Variants in NCKAP5L observed in about 807,000 individuals in gnomAD.
NCKAP5L encodes the protein nck-associated protein 5-like.
A neutral mutation model predicts 103.2 loss-of-function variants in NCKAP5L; 54 were observed. The ratio of observed to expected loss-of-function variants is 0.52; its 90% CI spans 0.42 to 0.66. The LOEUF is 0.66. Ranked by LOEUF, NCKAP5L falls within the 30% of genes least tolerant of loss-of-function variation. NCKAP5L has a pLI of 0.00. For synonymous variants in NCKAP5L, 762 were observed against 748.6 expected (o/e 1.02, Z -0.29); for missense variants, 1,733 against 1,750.6 (o/e 0.99, Z 0.18).
At chr12:49,793,495 C>T (rs1408783589) in intron 9 of NCKAP5L, 62 bp from the exon 10 acceptor site, 2 of 1,528,506 alleles carry the variant, frequency 1.3e-6, no homozygotes, top group Non-Finnish European at 1.8e-6. Flanking sequence ...CTCCCCATGC[C>T]TCTAGAGGGT....
At chr12:49,812,322 T>G (rs923317760) in intron 1 of NCKAP5L, among the ~76,000 whole-genome samples, 1 of 152,186 alleles carries the variant, frequency 6.6e-6, no homozygotes, top group African/African-American at 2.4e-5. Context: ...CTTTGCATGA[T>G]GTTTTCAAGG....
At chr12:49,793,559 G>C (rs1340445532) in intron 9 of NCKAP5L, 126 bp from the exon 10 acceptor site, 2 of 1,236,608 alleles carry the variant, frequency 1.6e-6, no homozygotes, top group Non-Finnish European at 2.3e-6. Context: ...CAGGAGTATG[G>C]ATCTGAGAGC....
chr12:49,819,558 C>A (rs890522026), intron 1 of NCKAP5L, among the ~76,000 whole-genome samples: 1 of 152,110 alleles, frequency 6.6e-6, no homozygotes, highest in African/African-American at 2.4e-5. Flanking sequence ...CATTATGTTA[C>A]GTGAAATAAG....
Position 49,795,033 on chromosome 12 carries a change from C to T in NCKAP5L, c.2827G>A (p.Gly943Arg), listed in dbSNP as rs1946010759. The change falls in exon 8 of 13, where the codon GGG (glycine) becomes AGG (arginine). Residue 943 changes from glycine (G) to arginine (R), a missense_variant. Transcript: ENST00000335999. ...CGGAGCGGGGAGCCCCCGCCAGCCC[C>T]CTCCTTGTTCTTGGTGGCCTCTGTG... ...RRTEATKNKE[G>R]AGGGSPLRRE... The T allele has an allele frequency of 3.7e-6, 6 of 1,609,356 alleles. No individual in the cohort carries two copies. In the East Asian group the frequency reaches 1.1e-4, roughly 30 times the overall value.
chr12:49,793,867 CTCT>C lies in NCKAP5L; in HGVS notation c.3122_3124del (p.Lys1041del). The C allele has an allele frequency of 6.4e-7, 1 of 1,566,678 alleles. No individual in the cohort carries two copies. The highest frequency in any genetic ancestry group is 8.6e-7 in the Non-Finnish European group (1 of 1,156,930). On this transcript the variant is annotated inframe_deletion, in exon 9 of 13. Coordinates refer to ENST00000335999, the MANE Select transcript of NCKAP5L (RefSeq NM_001037806.4). ...GTACTCAGGCTTGGGCTCCCGCCAG[CTCT>C]TGGATGGCAGCTCCTTGCCATCCAC...
At chr12:49,793,569 C>A in intron 9 of NCKAP5L, 136 bp from the exon 10 acceptor site, 1 of 1,214,260 alleles carries the variant, frequency 8.2e-7, no homozygotes, top group Non-Finnish European at 1.1e-6. Flanking sequence ...GATCTGAGAG[C>A]CCCTGCAGAC....
intron 1 of NCKAP5L, among the ~76,000 whole-genome samples, chr12:49,816,753 C>T (rs952748413): frequency 2.0e-5 from 3 of 150,890 alleles, no homozygotes; most frequent in East Asian, 1.9e-4. Context: ...GCTGAAATCG[C>T]GCCACTGTAC....
chr12:49,792,896 A>C lies in NCKAP5L; in HGVS notation c.3431T>G (p.Leu1144Arg). The change falls in exon 11 of 13, where the codon CTT (leucine) becomes CGT (arginine). Residue 1144 changes from leucine (L) to arginine (R), a missense_variant. Coordinates refer to ENST00000335999, the MANE Select transcript of NCKAP5L (RefSeq NM_001037806.4). This position sits in a 1 kb window ranked among gnomAD's most constrained non-coding sequence, Gnocchi z 4.5. ...CAGCCGCGGTGGCTTGGTCTTAGGA[A>C]GATTCTTGCTGGGGGTCCCACTGCT... ...HGSSGTPSKNLPKTKPPRLDP... is the reference protein window; with the variant it reads ...HGSSGTPSKNRPKTKPPRLDP... 6.5e-7 allele frequency: 1 copy of C among 1,545,860 alleles called. No individual in the cohort carries two copies. Among genetic ancestry groups the C allele is most frequent in the Non-Finnish European group, 8.7e-7 (1 of 1,152,790 alleles).
intron 5 of NCKAP5L, 30 bp downstream of exon 5, chr12:49,802,928 G>C (rs758190435): frequency 6.2e-7 from 1 of 1,607,550 alleles, no homozygotes; most frequent in Non-Finnish European, 8.5e-7. Context: ...TGTGCCCAGG[G>C]CTTCTCCCCA....
chr12:49,817,852 G>A (rs1390476126), intron 1 of NCKAP5L, among the ~76,000 whole-genome samples: 3 of 152,122 alleles, frequency 2.0e-5, no homozygotes, highest in Admixed American at 6.5e-5. Context: ...AAACCTGGCC[G>A]GGCGCAGTGC....
chr12:49,809,541 C>T (rs994621463), intron 1 of NCKAP5L, among the ~76,000 whole-genome samples: 7 of 152,262 alleles, frequency 4.6e-5, no homozygotes, highest in East Asian at 3.9e-4. Context: ...CACAGAATCA[C>T]CCGTAACACC....
In NCKAP5L at chr12:49,795,235, C is replaced by T; in HGVS notation, c.2625G>A (p.Glu875=). 2 of 1,556,976 alleles carry T rather than the reference C, an allele frequency of 1.3e-6. No individual in the cohort carries two copies. Among genetic ancestry groups the T allele is most frequent in the Non-Finnish European group, 1.7e-6 (2 of 1,152,360 alleles). The change falls in exon 8 of 13, where the codon GAG becomes GAA. Residue 875 remains glutamate, a synonymous_variant. Coordinates refer to ENST00000335999, the MANE Select transcript of NCKAP5L (RefSeq NM_001037806.4). ...PGPTDPSQGP[E]GLAPHSAIEE... is the part of the protein sequence containing the mutation. The stretch of plus-strand genomic sequence containing the variant: ...CGATGGCTGAGTGTGGGGCCAGCCC[C>T]TCAGGGCCCTGACTTGGGTCAGTGG...
chr12:49,801,697 G>A lies in NCKAP5L; in HGVS notation c.351+151C>T, dbSNP rs541713789. 40 of 928,048 alleles carry A rather than the reference G, an allele frequency of 4.3e-5. No individual in the cohort carries two copies. In the South Asian group the frequency reaches 6.5e-4, roughly 15 times the overall value. 57.5% of individuals were successfully genotyped at this position (928,048 alleles called of 1,614,324 possible). ...GGGAGGAGGGAACGGCCAAACCCAG[G>A]GGACTTGGGTAGTTTCCATACCCCC... On this transcript the variant is annotated intron_variant, in intron 6 of 12. Transcript: ENST00000335999.
chr12:49,801,288 C>T (rs1207905399), intron 6 of NCKAP5L, among the ~76,000 whole-genome samples: 5 of 152,208 alleles, frequency 3.3e-5, no homozygotes, highest in African/African-American at 4.8e-5. Context: ...ATCCTCCCAC[C>T]CCCATGTCTT....
intron 1 of NCKAP5L, among the ~76,000 whole-genome samples, chr12:49,815,246 G>C (rs912543916): frequency 1.3e-5 from 2 of 152,172 alleles, no homozygotes; most frequent in Admixed American, 6.5e-5. Flanking sequence ...ACCAAAATCA[G>C]TGGATCTTGC....
chr12:49,807,601 C>T (rs2137020520), intron 1 of NCKAP5L, among the ~76,000 whole-genome samples: 1 of 152,248 alleles, frequency 6.6e-6, no homozygotes, highest in South Asian at 2.1e-4. Context: ...ATAACATTAT[C>T]ACGTTTGATA....
rs1322766129 is a variant in NCKAP5L at position 49,796,104 on chromosome 12, G to C, written c.1756C>G (p.Gln586Glu). 6.2e-7 allele frequency: 1 copy of C among 1,608,908 alleles called. No homozygotes were observed. Among genetic ancestry groups the C allele is most frequent in the African/African-American group, 1.3e-5 (1 of 74,838 alleles). ...PSPLQVPTYP[Q>E]LTLEVPQAPE... ...GCCTGTGGTACCTCCAGAGTTAGCT[G>C]TGGGTAGGTGGGCACCTGCAGTGGG... Residue 586 changes from glutamine to glutamate, a missense_variant, in exon 8 of 13, where the codon CAG (glutamine) becomes GAG (glutamate). By Grantham distance (29) the Gln-to-Glu change is conservative (BLOSUM62 2). Transcript: ENST00000335999.
chr12:49,791,717 T>A lies in NCKAP5L; in HGVS notation c.*122A>T. ...TGCCAGGGACCCCCTTTTCACCTTCTTATCCACCTGCCTCCTTGGTCCCTT... is the reference window on the plus strand; with the variant it reads ...TGCCAGGGACCCCCTTTTCACCTTCATATCCACCTGCCTCCTTGGTCCCTT... On this transcript the variant is annotated 3_prime_UTR_variant, in exon 13 of 13. Coordinates refer to ENST00000335999, the MANE Select transcript of NCKAP5L (RefSeq NM_001037806.4). The A allele has an allele frequency of 4.9e-6, 4 of 821,122 alleles. No homozygotes were observed. The highest frequency in any genetic ancestry group is 5.5e-6 in the Non-Finnish European group (3 of 543,566). The allele number at this position is 821,122 out of a possible 1,614,324, so 50.9% of individuals were successfully genotyped here. A position where few individuals can be genotyped will look rare whatever the true frequency, so the allele number is the denominator to read the frequency against.
intron 1 of NCKAP5L, among the ~76,000 whole-genome samples, chr12:49,817,719 AAG>A (rs1946314430): frequency 6.6e-6 from 1 of 152,184 alleles, no homozygotes; most frequent in African/African-American, 2.4e-5. Context: ...ACAACAGGGA[AAG>A]ACAGTCTCCT....
Sources: gnomAD v4.1 joint callset for allele counts (sites outside exome capture counted in the v4.1 genomes callset) on GRCh38, gnomAD v4.1.1 for gene constraint, Gnocchi (gnomAD v3.1) non-coding constraint, MANE v1.5 for transcripts, NCBI Gene and HGNC (gene_info 2026-07-23, HGNC 2026-07-21) for gene names.